Variants in CLASP1 observed in about 807,000 individuals in gnomAD.
The protein encoded by CLASP1 is cytoplasmic linker associated protein 1.
CLASP1 carries 38 observed loss-of-function variants against 192.3 expected under a neutral mutation model. That is an observed-to-expected ratio of 0.20 (90% CI 0.15 to 0.26). The LOEUF is 0.26. Ranked by LOEUF, CLASP1 falls within the 10% of genes least tolerant of loss-of-function variation. The pLI is 1.00. For synonymous variants in CLASP1, 691 were observed against 712.8 expected (o/e 0.97, Z 0.49); for missense variants, 1,433 against 1,932.5 (o/e 0.74, Z 4.85).
At chr2:121,377,312 A>G (rs967818614) in intron 34 of CLASP1, among the ~76,000 whole-genome samples, 187 bp downstream of exon 35, 34 of 152,260 alleles carry the variant, frequency 2.2e-4, no homozygotes, top group African/African-American at 8.0e-4. Flanking sequence ...ATGTATCAAA[A>G]TACCACTTTG....
chr2:121,452,293 C>G (rs1248319059), intron 14 of CLASP1, among the ~76,000 whole-genome samples: 1 of 152,158 alleles, frequency 6.6e-6, no homozygotes. Flanking sequence ...AAACTAAGTG[C>G]TCTCCATATT....
chr2:121,530,236 C>G lies in CLASP1; in HGVS notation c.274+11G>C, dbSNP rs1452221415. On this transcript the variant is annotated intron_variant, in intron 3 of 39. Coordinates refer to ENST00000263710, the Ensembl canonical transcript of CLASP1. ...AGGGGCCGGGTCCGCTCCACAAGTG[C>G]CGCAGCTCACCTGTGCCGATCTGCG... 27 of 1,545,350 alleles carry G rather than the reference C, an allele frequency of 1.7e-5. No homozygotes were observed. The Middle Eastern group carries it at 7.1e-4, about 40-fold the overall frequency.
intron 1 of CLASP1, among the ~76,000 whole-genome samples, chr2:121,632,725 C>A (rs969368996): frequency 6.6e-6 from 1 of 151,904 alleles, no homozygotes; most frequent in African/African-American, 2.4e-5. Flanking sequence ...GCAGAAACCT[C>A]GTCTCTACTA....
intron 8 of CLASP1, among the ~76,000 whole-genome samples, chr2:121,492,314 G>A (rs866209169): frequency 1.3e-5 from 2 of 150,590 alleles, no homozygotes; most frequent in African/African-American, 2.4e-5. Context: ...GTGAGAACCC[G>A]GGAGGCGGAG....
intron 10 of CLASP1, 128 bp from the exon 11 acceptor site, chr2:121,461,321 A>C: frequency 1.7e-6 from 1 of 599,604 alleles, no homozygotes; most frequent in South Asian, 2.2e-5. Context: ...TACCTATGAG[A>C]AAATATCTGA....
At chr2:121,608,272 A>G (rs993878824) in intron 1 of CLASP1, among the ~76,000 whole-genome samples, 4 of 152,268 alleles carry the variant, frequency 2.6e-5, no homozygotes, top group African/African-American at 7.2e-5. Context: ...TCCAAGAAGC[A>G]GAACAAATAA....
intron 1 of CLASP1, among the ~76,000 whole-genome samples, chr2:121,610,644 G>A (rs2065204995): frequency 7.0e-6 from 1 of 143,362 alleles, no homozygotes; most frequent in Non-Finnish European, 1.5e-5. Context: ...AGGAGTTACA[G>A]GAGGAAGAGG....
At chr2:121,472,762 A>G (rs994436000) in intron 8 of CLASP1, among the ~76,000 whole-genome samples, 2 of 152,214 alleles carry the variant, frequency 1.3e-5, no homozygotes, top group Admixed American at 6.5e-5. Context: ...CTTAGAGTTT[A>G]CACAAGTAGG....
chr2:121,571,443 T>C (rs2059963936), intron 2 of CLASP1, among the ~76,000 whole-genome samples: 1 of 152,206 alleles, frequency 6.6e-6, no homozygotes, highest in South Asian at 2.1e-4. Flanking sequence ...TACTATATGC[T>C]GGGTACTGCT....
Position 121,593,425 on chromosome 2 carries a change from G to A in CLASP1, c.195+12276C>T, listed in dbSNP as rs1211155361. 2.6e-5 allele frequency among the ~76,000 whole-genome samples: 4 copies of A among 151,844 alleles called. No homozygotes were observed. The East Asian group carries it at 7.7e-4, about 29-fold the overall frequency. On this transcript the variant is annotated intron_variant, in intron 2 of 39. Transcript: ENST00000263710. ...ACCTGAGGTCAGGAGTTCGAGACCA[G>A]CCTGACCAACATGGTAAAACTCCGC...
intron 15 of CLASP1, among the ~76,000 whole-genome samples, chr2:121,451,556 T>C (rs941676981): frequency 6.6e-6 from 1 of 152,274 alleles, no homozygotes; most frequent in African/African-American, 2.4e-5. Flanking sequence ...ACAGTTTACA[T>C]TGGCTCTGCA....
intron 19 of CLASP1, 30 bp from the exon 20 acceptor site, chr2:121,430,207 C>A: frequency 2.6e-6 from 4 of 1,509,538 alleles, no homozygotes; most frequent in Non-Finnish European, 3.6e-6. Flanking sequence ...CAGTGTTTCA[C>A]AACATTTCCA....
At chr2:121,575,346 A>G (rs2105472309) in intron 2 of CLASP1, among the ~76,000 whole-genome samples, 1 of 152,136 alleles carries the variant, frequency 6.6e-6, no homozygotes, top group East Asian at 1.9e-4. Context: ...ACCTCAGATA[A>G]TCTGCCTGCC....
At chr2:121,482,457 C>T (rs1181400013) in intron 8 of CLASP1, among the ~76,000 whole-genome samples, 2 of 152,122 alleles carry the variant, frequency 1.3e-5, no homozygotes, top group Non-Finnish European at 2.9e-5. Flanking sequence ...GAGAAAAGAA[C>T]TTACAGCGAC....
At chr2:121,589,012 A>G (rs186247125) in intron 2 of CLASP1, among the ~76,000 whole-genome samples, 286 of 152,304 alleles carry the variant, frequency 1.9e-3, no homozygotes, top group Non-Finnish European at 2.4e-3. Context: ...GTCTTCTGAT[A>G]GTGGAGCTGC....
Position 121,403,752 on chromosome 2 carries a change from T to C in CLASP1, c.2733+619A>G, listed in dbSNP as rs544647437. 2.7e-4 allele frequency: 128 copies of C among 469,002 alleles called. 1 individual carries two copies. The highest frequency in any genetic ancestry group is 1.9e-3 in the South Asian group (123 of 65,462). The allele number at this position is 469,002 out of a possible 1,614,324, so 29.1% of individuals were successfully genotyped here. A position where few individuals can be genotyped will look rare whatever the true frequency, so the allele number is the denominator to read the frequency against. On this transcript the variant is annotated intron_variant, in intron 26 of 39. Transcript: ENST00000263710. ...TGGAAAGTGTTCTGTCCCATACTCA[T>C]GGGCATTTCCCCCTCAGCTGGGACT...
At position 121,623,088 on chromosome 2, in the gene CLASP1, T is replaced by A. The variant is rs75924159; in HGVS notation, c.-285-16908A>T. ...ACAATATCTATATATATATAAATTT[T>A]AAAAAATTAAAGACTATATGTCTTG... On this transcript the variant is annotated intron_variant, in intron 1 of 39. Transcript: ENST00000263710. Among the ~76,000 whole-genome samples the A allele has an allele frequency of 6.1e-3, 921 of 152,078 alleles. 4 individuals carry two copies. The highest frequency in any genetic ancestry group is 0.01 in the Admixed American group (153 of 15,278).
intron 7 of CLASP1, 62 bp downstream of exon 7, chr2:121,515,603 C>G (rs1473506192): frequency 3.3e-6 from 4 of 1,195,146 alleles, no homozygotes; most frequent in Non-Finnish European, 4.8e-6. Flanking sequence ...AAGATATTAA[C>G]TGGAAAACAA....
intron 2 of CLASP1, among the ~76,000 whole-genome samples, chr2:121,604,718 G>A (rs1370406929): frequency 6.6e-6 from 1 of 152,198 alleles, no homozygotes; most frequent in Non-Finnish European, 1.5e-5. Flanking sequence ...CCAGTGATAA[G>A]TGAAATATTA....
Sources: allele counts gnomAD v4.1 joint callset (sites outside exome capture counted in the v4.1 genomes callset), GRCh38; gene constraint gnomAD v4.1.1; transcripts MANE v1.5; gene names NCBI Gene and HGNC (gene_info 2026-07-23, HGNC 2026-07-21).